The following ST6GAL1 variants were observed in gnomAD, a reference collection of about 807,000 sequenced individuals.
ST6GAL1 encodes ST6 beta-galactoside alpha-2,6-sialyltransferase 1.
In ST6GAL1, 20 loss-of-function variants were observed where a neutral mutation model predicts 38.0. The observed-to-expected ratio is 0.53, with a 90% CI of 0.37 to 0.77. ST6GAL1 has a LOEUF of 0.77. ST6GAL1 is among the 30% of genes least tolerant of loss of function. The pLI is 0.00. For synonymous variants in ST6GAL1, 196 were observed against 188.2 expected (o/e 1.04, Z -0.34); for missense variants, 432 against 496.4 (o/e 0.87, Z 1.23).
chr3:186,939,310 C>T lies in ST6GAL1; in HGVS notation c.-325+8476C>T, dbSNP rs1414017764. Among the ~76,000 whole-genome samples, 7 of 152,096 alleles carry T rather than the reference C, an allele frequency of 4.6e-5. No individual in the cohort carries two copies. The East Asian group carries it at 7.7e-4, about 17-fold the overall frequency. On this transcript the variant is annotated intron_variant, in intron 1 of 7. Coordinates refer to ENST00000169298, the MANE Select transcript of ST6GAL1 (RefSeq NM_173216.2). Reference sequence around the variant, plus strand: ...CCAGGCTTGAACTCCTGGGCTCAACCGATCCTCCTGCCTTGGCCTCCCAAA... The same window carrying T: ...CCAGGCTTGAACTCCTGGGCTCAACTGATCCTCCTGCCTTGGCCTCCCAAA...
At chr3:187,047,424 A>G (rs573146790) in intron 4 of ST6GAL1, among the ~76,000 whole-genome samples, 1 of 152,324 alleles carries the variant, frequency 6.6e-6, no homozygotes, top group South Asian at 2.1e-4. Context: ...AGCTATTTAG[A>G]GTTAACTACA....
intron 1 of ST6GAL1, among the ~76,000 whole-genome samples, chr3:186,945,315 A>G (rs1166776201): frequency 6.6e-6 from 1 of 151,976 alleles, no homozygotes; most frequent in Non-Finnish European, 1.5e-5. Flanking sequence ...CTATTTAAAA[A>G]AAAAAAAAAA....
intron 2 of ST6GAL1, among the ~76,000 whole-genome samples, chr3:186,979,878 C>G (rs1015072077): frequency 6.6e-6 from 1 of 152,124 alleles, no homozygotes; most frequent in African/African-American, 2.4e-5. Context: ...AATAGGGATG[C>G]AGCTTTTATA....
intron 2 of ST6GAL1, among the ~76,000 whole-genome samples, chr3:186,988,908 A>G (rs1716053603): frequency 6.6e-6 from 1 of 152,146 alleles, no homozygotes; most frequent in Admixed American, 6.5e-5. Flanking sequence ...AGCCAGAGCC[A>G]GACCCTGTGT....
At chr3:187,004,267 A>G (rs551432273) in intron 2 of ST6GAL1, among the ~76,000 whole-genome samples, 1 of 152,268 alleles carries the variant, frequency 6.6e-6, no homozygotes, top group Admixed American at 6.5e-5. Flanking sequence ...GAGCCAATTA[A>G]ATCTCCTTTC....
chr3:187,018,238 T>C (rs1173550583), intron 2 of ST6GAL1, among the ~76,000 whole-genome samples: 4 of 152,108 alleles, frequency 2.6e-5, no homozygotes, highest in African/African-American at 4.8e-5. Context: ...TGGAGAAACA[T>C]AGAGTGCCTT....
rs73055069 is a variant in ST6GAL1 at position 187,064,970 on chromosome 3, C to T, written c.706-7879C>T. On this transcript the variant is annotated intron_variant, in intron 5 of 7. Coordinates refer to ENST00000169298, the MANE Select transcript of ST6GAL1 (RefSeq NM_173216.2). Reference sequence around the variant, plus strand: ...CTGAGTGGCTTGTTCTTTTCCCAGACGGAGAGGTCTCCTGACAGCAGCTCT... The same window carrying T: ...CTGAGTGGCTTGTTCTTTTCCCAGATGGAGAGGTCTCCTGACAGCAGCTCT... Among the ~76,000 whole-genome samples the T allele has an allele frequency of 4.6e-3, 700 of 151,336 alleles. 2 individuals are homozygous for T. Among genetic ancestry groups the T allele is most frequent in the African/African-American group, 0.016 (669 of 41,324 alleles).
chr3:186,982,701 G>C (rs1388450895), intron 2 of ST6GAL1, among the ~76,000 whole-genome samples: 3 of 151,894 alleles, frequency 2.0e-5, no homozygotes, highest in African/African-American at 4.8e-5. Flanking sequence ...ATTTCTTCGA[G>C]AAGGAGTTTC....
chr3:186,996,352 A>AAAAGCC (rs760100356), intron 2 of ST6GAL1, among the ~76,000 whole-genome samples: 22 of 152,340 alleles, frequency 1.4e-4, no homozygotes, highest in Non-Finnish European at 2.4e-4. Flanking sequence ...TATGATGTAG[A>AAAAGCC]AAAGCCTGCT....
chr3:186,985,139 C>T (rs1207193920), intron 2 of ST6GAL1, among the ~76,000 whole-genome samples: 1 of 151,960 alleles, frequency 6.6e-6, no homozygotes, highest in Admixed American at 6.6e-5. Context: ...GAACTCCTGA[C>T]CTCAAGTGAT....
At chr3:187,027,502 TC>T (rs1478619872) in intron 2 of ST6GAL1, among the ~76,000 whole-genome samples, 1 of 152,174 alleles carries the variant, frequency 6.6e-6, no homozygotes, top group Non-Finnish European at 1.5e-5. Context: ...GTGCTCTAAG[TC>T]TGAGAATCAC....
chr3:186,995,024 ATTCC>A (rs1716315966), intron 2 of ST6GAL1, among the ~76,000 whole-genome samples: 1 of 152,206 alleles, frequency 6.6e-6, no homozygotes, highest in African/African-American at 2.4e-5. Context: ...GTAAGTAAGT[ATTCC>A]TTAATACCAG....
At chr3:186,965,541 T>C (rs1715076933) in intron 2 of ST6GAL1, among the ~76,000 whole-genome samples, 1 of 152,156 alleles carries the variant, frequency 6.6e-6, no homozygotes, top group South Asian at 2.1e-4. Flanking sequence ...CAGAAAATTA[T>C]AAAGGTGGTA....
chr3:186,944,757 A>G (rs185903904), intron 1 of ST6GAL1, among the ~76,000 whole-genome samples: 1 of 152,376 alleles, frequency 6.6e-6, no homozygotes, highest in Non-Finnish European at 1.5e-5. Flanking sequence ...TAAAGATCAT[A>G]CAAAGGTGGG....
chr3:187,054,680 C>T (rs1028391056), intron 5 of ST6GAL1, among the ~76,000 whole-genome samples: 4 of 152,036 alleles, frequency 2.6e-5, no homozygotes, highest in African/African-American at 4.8e-5. Flanking sequence ...CTTTTTGATG[C>T]ACTGCTGGAT....
At position 187,042,915 on chromosome 3, in the gene ST6GAL1, C is replaced by T. The variant is rs368632124; in HGVS notation, c.212C>T (p.Pro71Leu). The change falls in exon 4 of 8, where the codon CCC becomes CTC. Residue 71 changes from proline (P) to leucine (L), a missense_variant. Pro to Leu is a moderately conservative substitution (Grantham distance 98). Coordinates refer to ENST00000169298, the MANE Select transcript of ST6GAL1 (RefSeq NM_173216.2). ...QSVSSSSTQD[P>L]HRGRQTLGSL... ...GTATCCTCAAGCAGCACCCAGGACC[C>T]CCACAGGGGCCGCCAGACCCTCGGC... 76 of 1,614,064 alleles carry T rather than the reference C, an allele frequency of 4.7e-5. No individual in the cohort carries two copies. The highest frequency in any genetic ancestry group is 5.8e-5 in the Non-Finnish European group (68 of 1,180,032).
chr3:187,033,670 T>C (rs1291297523), intron 2 of ST6GAL1, among the ~76,000 whole-genome samples: 1 of 152,240 alleles, frequency 6.6e-6, no homozygotes, highest in Admixed American at 6.5e-5. Context: ...GGCTATACCA[T>C]GCTTTTCTTA....
chr3:186,933,675 A>G (rs1713841634), intron 1 of ST6GAL1, among the ~76,000 whole-genome samples: 1 of 152,248 alleles, frequency 6.6e-6, no homozygotes, highest in African/African-American at 2.4e-5. Context: ...TGAGGCCTAG[A>G]GAAGAGAAAT....
chr3:187,052,687 C>T (rs1185988947), intron 5 of ST6GAL1, among the ~76,000 whole-genome samples: 2 of 152,152 alleles, frequency 1.3e-5, no homozygotes, highest in African/African-American at 2.4e-5. Context: ...TTTCTTAATC[C>T]AGTCTATCAT....
Sources: gnomAD v4.1 joint callset for allele counts (sites outside exome capture counted in the v4.1 genomes callset) on GRCh38, gnomAD v4.1.1 for gene constraint, MANE v1.5 for transcripts, NCBI Gene and HGNC (gene_info 2026-07-23, HGNC 2026-07-21) for gene names.